Variants in CAST observed in about 807,000 individuals in gnomAD.
CAST encodes calpastatin.
A neutral mutation model predicts 119.6 loss-of-function variants in CAST; 76 were observed. The ratio of observed to expected loss-of-function variants is 0.64; its 90% CI spans 0.53 to 0.77. The LOEUF is 0.77. Ranked by LOEUF, CAST falls within the 30% of genes least tolerant of loss-of-function variation. CAST has a pLI of 0.00. For synonymous variants in CAST, 319 were observed against 331.6 expected (o/e 0.96, Z 0.41); for missense variants, 953 against 946.5 (o/e 1.01, Z -0.09).
At chr5:96,570,149 A>C (rs377536012) in intron 1 of CAST, among the ~76,000 whole-genome samples, 1 of 152,242 alleles carries the variant, frequency 6.6e-6, no homozygotes, top group South Asian at 2.1e-4. Context: ...TCTGCCTAAC[A>C]TGACAATAAG....
At chr5:96,578,876 T>C (rs757807855) in intron 1 of CAST, among the ~76,000 whole-genome samples, 8 of 152,206 alleles carry the variant, frequency 5.3e-5, no homozygotes, top group Non-Finnish European at 1.0e-4. Context: ...AGCACACAGG[T>C]CCTGGCTTAC....
chr5:96,181,627 T>C, the CAST span, among the ~76,000 whole-genome samples: 1 of 152,174 alleles, frequency 6.6e-6, no homozygotes, highest in Non-Finnish European at 1.5e-5. Flanking sequence ...TAGAAACAGA[T>C]TTAGGAAGAA....
chr5:96,603,609 A>C (rs958681533), intron 1 of CAST, among the ~76,000 whole-genome samples: 1 of 152,140 alleles, frequency 6.6e-6, no homozygotes, highest in African/African-American at 2.4e-5. Flanking sequence ...GAAGGACCTG[A>C]CTGGGGCTGT....
the CAST span, among the ~76,000 whole-genome samples, chr5:96,219,208 CT>C: frequency 2.0e-5 from 3 of 152,112 alleles, no homozygotes; most frequent in Non-Finnish European, 4.4e-5. Flanking sequence ...ATTTGTATTT[CT>C]TGAACTCATA....
chr5:96,207,837 T>C, the CAST span, among the ~76,000 whole-genome samples: 1 of 152,130 alleles, frequency 6.6e-6, no homozygotes, highest in East Asian at 1.9e-4. Flanking sequence ...GAGTCCCTCC[T>C]TTTCAACTTT....
the CAST span, among the ~76,000 whole-genome samples, chr5:96,164,706 G>A: frequency 3.9e-5 from 6 of 152,180 alleles, no homozygotes; most frequent in Admixed American, 6.5e-5. Context: ...GAAGGGAAGC[G>A]TGCAGAGAGA....
At chr5:96,260,325 A>T in the CAST span, among the ~76,000 whole-genome samples, 1 of 152,186 alleles carries the variant, frequency 6.6e-6, no homozygotes. Context: ...CAGCTGTTGG[A>T]ACAAAGACTT....
At chr5:96,155,523 G>T in the CAST span, among the ~76,000 whole-genome samples, 1 of 152,124 alleles carries the variant, frequency 6.6e-6, no homozygotes, top group Non-Finnish European at 1.5e-5. Context: ...GCATTTTCAT[G>T]GAAACTCTTA....
At chr5:96,012,662 A>G in the CAST span, among the ~76,000 whole-genome samples, 1 of 152,282 alleles carries the variant, frequency 6.6e-6, no homozygotes, top group Admixed American at 6.5e-5. Context: ...AGACCTGTAC[A>G]CAGTTTTAGT....
chr5:96,471,805 A>G, the CAST span, among the ~76,000 whole-genome samples: 27,311 of 91,772 alleles, frequency 0.3, 2,749 homozygotes, highest in Middle Eastern at 0.36. Flanking sequence ...TGTGATTTGC[A>G]TATGCGTATT....
chr5:96,067,560 C>G, the CAST span, among the ~76,000 whole-genome samples: 1 of 152,188 alleles, frequency 6.6e-6, no homozygotes, highest in African/African-American at 2.4e-5. Flanking sequence ...ATTTGCTAGA[C>G]TAGGTTTTCC....
chr5:96,672,880 A>C (rs962864190), intron 1 of CAST, among the ~76,000 whole-genome samples: 1 of 152,154 alleles, frequency 6.6e-6, no homozygotes, highest in Non-Finnish European at 1.5e-5. Flanking sequence ...AACAATGCTT[A>C]TAGTACATAA....
the CAST span, among the ~76,000 whole-genome samples, chr5:96,183,008 A>G: frequency 1.6e-4 from 25 of 152,014 alleles, no homozygotes; most frequent in South Asian, 6.2e-4. Context: ...GCGTGGTGGC[A>G]GGCGCCTGTA....
chr5:96,526,054 T>C (rs1745593770), upstream of CAST, among the ~76,000 whole-genome samples: 1 of 152,246 alleles, frequency 6.6e-6, no homozygotes, highest in Non-Finnish European at 1.5e-5. Flanking sequence ...CACTAGTACC[T>C]CATAACTGGG....
the CAST span, among the ~76,000 whole-genome samples, chr5:96,251,031 G>T: frequency 1.3e-5 from 2 of 152,158 alleles, no homozygotes; most frequent in East Asian, 1.9e-4. Flanking sequence ...GTACAGAAAA[G>T]GTACAGAGAA....
chr5:96,618,761 C>T (rs1041077543), intron 1 of CAST, among the ~76,000 whole-genome samples: 1 of 152,176 alleles, frequency 6.6e-6, no homozygotes, highest in Non-Finnish European at 1.5e-5. Flanking sequence ...GGGCAGGGCT[C>T]GGGACCTGCA....
the CAST span, among the ~76,000 whole-genome samples, chr5:96,253,864 C>G: frequency 6.6e-6 from 1 of 151,844 alleles, no homozygotes; most frequent in East Asian, 1.9e-4. Context: ...CCAAGGAATC[C>G]TACAAAATTT....
intron 1 of CAST, among the ~76,000 whole-genome samples, chr5:96,664,577 A>G (rs1749079926): frequency 6.6e-6 from 1 of 152,178 alleles, no homozygotes; most frequent in African/African-American, 2.4e-5. Flanking sequence ...TGCTTTTTAA[A>G]GCCTCCATGT....
At chr5:96,281,118 C>T in the CAST span, among the ~76,000 whole-genome samples, 131 of 152,250 alleles carry the variant, frequency 8.6e-4, no homozygotes, top group African/African-American at 3.0e-3. Flanking sequence ...TTCTAGAGCC[C>T]ATAATTGGTC....
Sources: gnomAD v4.1 joint callset for allele counts (sites outside exome capture counted in the v4.1 genomes callset) on GRCh38, gnomAD v4.1.1 for gene constraint, MANE v1.5 for transcripts, NCBI Gene and HGNC (gene_info 2026-07-23, HGNC 2026-07-21) for gene names.